The following SPTB variants were observed in gnomAD, a reference collection of about 807,000 sequenced individuals.
The protein encoded by SPTB is spectrin beta, erythrocytic.
A neutral mutation model predicts 256.2 loss-of-function variants in SPTB; 45 were observed. That is an observed-to-expected ratio of 0.18 (90% CI 0.14 to 0.23). SPTB has a LOEUF of 0.23. SPTB is among the 10% of genes least tolerant of loss of function. SPTB has a pLI of 1.00. For synonymous variants in SPTB, 1,231 were observed against 1,243.1 expected, an observed-to-expected ratio of 0.99 and a Z score of 0.21; for missense variants, 2,715 against 3,040.4, an observed-to-expected ratio of 0.89 and a Z score of 2.52.
In SPTB at chr14:64,764,335, C is replaced by CTCAT. The variant is rs2082135462; in HGVS notation, c.6345+2390_6345+2391insATGA. Among the ~76,000 whole-genome samples, 1 of 152,222 alleles carries CTCAT rather than the reference C, an allele frequency of 6.6e-6. No individual in the cohort carries two copies. Among genetic ancestry groups the CTCAT allele is most frequent in the South Asian group, 2.1e-4 (1 of 4,836 alleles). On this transcript the variant is annotated intron_variant, in intron 32 of 35. Coordinates refer to ENST00000644917, the MANE Select transcript of SPTB (RefSeq NM_001355436.2). The surrounding 1 kb of genome is among the most constrained non-coding windows in gnomAD (Gnocchi z 4.2). ...GGTATTAGGCCCTCCCTCTGAGGTT[C>CTCAT]GTGGATCCCCATGAGAACTTAACAA...
intron 33 of SPTB, among the ~76,000 whole-genome samples, chr14:64,751,331 G>C (rs1323626052): frequency 6.6e-6 from 1 of 151,908 alleles, no homozygotes; most frequent in Admixed American, 6.6e-5. Flanking sequence ...CGTTGGCCAG[G>C]CTGGTCTCAA....
At chr14:64,763,944 G>A (rs1006299527) in intron 32 of SPTB, 82 of 509,164 alleles carry the variant, frequency 1.6e-4, no homozygotes, top group Admixed American at 2.9e-4. Context: ...CCACCCTGTG[G>A]TGTGCAGCTG....
Position 64,775,288 on chromosome 14 carries a change from C to T in SPTB, c.4679G>A (p.Gly1560Glu), listed in dbSNP as rs1465230559. The change falls in exon 23 of 36, where the codon GGG becomes GAG. Residue 1560 changes from glycine to glutamate, a missense_variant. Coordinates refer to ENST00000644917, the MANE Select transcript of SPTB (RefSeq NM_001355436.2). This position sits in a 1 kb window ranked among gnomAD's most constrained non-coding sequence, Gnocchi z 5.0. ...IDCQDLEERL[G>E]HLQSSWDRLR... is the part of the protein sequence containing the mutation. ...CCTGTCCCAGGAGCTCTGCAGGTGC[C>T]CCAGGCGCTCCTCAAGGTCCTGGCA... The T allele has an allele frequency of 6.2e-7, 1 of 1,613,460 alleles. No homozygotes were observed. The highest frequency in any genetic ancestry group is 8.5e-7 in the Non-Finnish European group (1 of 1,179,978).
rs2083821450 is a variant in SPTB at position 64,853,662 on chromosome 14, G to A, written c.-52+26130C>T. On this transcript the variant is annotated intron_variant, in intron 1 of 35. Coordinates refer to ENST00000644917, the MANE Select transcript of SPTB (RefSeq NM_001355436.2). The surrounding 1 kb of genome is among the most constrained non-coding windows in gnomAD (Gnocchi z 4.3). ...GCTTTGAGGGGGAGCAGACAGGCAT[G>A]CAGGGCCAAGGGACAGTTGTATTCA... Among the ~76,000 whole-genome samples the A allele has an allele frequency of 6.6e-6, 1 of 152,184 alleles. No homozygotes were observed. Among genetic ancestry groups the A allele is most frequent in the Non-Finnish European group, 1.5e-5 (1 of 68,036 alleles).
chr14:64,833,216 T>G (rs538179570), intron 1 of SPTB, among the ~76,000 whole-genome samples: 1 of 152,194 alleles, frequency 6.6e-6, no homozygotes, highest in Non-Finnish European at 1.5e-5. Context: ...GAATAACTTC[T>G]TCTCTGTCAG....
In SPTB at chr14:64,746,743, A is replaced by G. The variant is rs2081849288; in HGVS notation, c.*2563T>C. 1.3e-5 allele frequency: 2 copies of G among 152,528 alleles called. No homozygotes were observed. The highest frequency in any genetic ancestry group is 4.8e-5 in the African/African-American group (2 of 41,420). The allele number at this position is 152,528 out of a possible 1,614,324, so 9.4% of individuals were successfully genotyped here. A position where few individuals can be genotyped will look rare whatever the true frequency, so the allele number is the denominator to read the frequency against. On this transcript the variant is annotated 3_prime_UTR_variant, in exon 36 of 36. Coordinates refer to ENST00000644917, the MANE Select transcript of SPTB (RefSeq NM_001355436.2). This position sits in a 1 kb window ranked among gnomAD's most constrained non-coding sequence, Gnocchi z 4.9. ...GTTGAGGCTGGGACAAAGGGGAAGG[A>G]GAGAGGGAAGGAGGACCGCCTGACC...
chr14:64,768,020 T>G, intron 29 of SPTB, 161 bp from the exon 30 acceptor site: 2 of 755,318 alleles, frequency 2.6e-6, no homozygotes, highest in Non-Finnish European at 4.5e-6. Context: ...CATTCCACAC[T>G]GGGCCCCTAA....
chr14:64,781,081 G>T (rs2082461460), intron 20 of SPTB, among the ~76,000 whole-genome samples: 1 of 152,164 alleles, frequency 6.6e-6, no homozygotes, highest in Non-Finnish European at 1.5e-5. Flanking sequence ...ACTCAAGATG[G>T]ATTACAGACT....
rs1487593822 is a variant in SPTB at position 64,758,825 on chromosome 14, TGTGA to T, written c.6346-5036_6346-5033del. On this transcript the variant is annotated intron_variant, in intron 32 of 35. Coordinates refer to ENST00000644917, the MANE Select transcript of SPTB (RefSeq NM_001355436.2). This position sits in a 1 kb window ranked among gnomAD's most constrained non-coding sequence, Gnocchi z 4.6. ...GGAGCCTGACACAGCCCTGCAAGTA[TGTGA>T]GTGTGTATGTGTATGTAAAGATCTT... Among the ~76,000 whole-genome samples, 1 of 151,958 alleles carries T rather than the reference TGTGA, an allele frequency of 6.6e-6. No individual in the cohort carries two copies. The highest frequency in any genetic ancestry group is 6.5e-5 in the Admixed American group (1 of 15,270).
At position 64,774,496 on chromosome 14, in the gene SPTB, C is replaced by T. The variant is rs749125417; in HGVS notation, c.4874G>A (p.Arg1625Gln). The change falls in exon 24 of 36, where the codon CGA (arginine) becomes CAA (glutamine). Residue 1625 changes from arginine (R) to glutamine (Q), a missense_variant. Around this residue, in one of 4 missense-constraint regions of SPTB, gnomAD observed 2,239 missense variants for 2,384.4 expected, o/e 0.94. Coordinates refer to ENST00000644917, the MANE Select transcript of SPTB (RefSeq NM_001355436.2). ...DEEGAIVMLK[R>Q]HLRQQRAVED... The stretch of plus-strand genomic sequence containing the variant: ...CACCGCACGCTGCTGCCGCAAATGT[C>T]GCTTCAGCATCACAATGGCGCCCTC... 1.9e-5 allele frequency: 30 copies of T among 1,555,104 alleles called. 1 individual carries two copies. In the South Asian group the frequency reaches 2.3e-4, roughly 12 times the overall value.
chr14:64,773,446 G>C (rs775678798), intron 24 of SPTB, 22 bp from the exon 25 acceptor site: 2 of 1,612,082 alleles, frequency 1.2e-6, no homozygotes, highest in African/African-American at 2.7e-5. Context: ...AACCAAAAAG[G>C]CCCTCAGAGA....
At chr14:64,858,521 G>A (rs2083908824) in intron 1 of SPTB, among the ~76,000 whole-genome samples, 1 of 152,146 alleles carries the variant, frequency 6.6e-6, no homozygotes, top group South Asian at 2.1e-4. Context: ...ACAACCACAG[G>A]TGACTGGAAG....
chr14:64,767,256 C>T, intron 31 of SPTB, 47 bp downstream of exon 31: 1 of 1,611,854 alleles, frequency 6.2e-7, no homozygotes, highest in Non-Finnish European at 8.5e-7. Context: ...CCCCCTACTC[C>T]CACTTGGCAG....
At chr14:64,867,575 TGGGTGCGGA>T (rs1882260449) in intron 1 of SPTB, among the ~76,000 whole-genome samples, 1 of 152,144 alleles carries the variant, frequency 6.6e-6, no homozygotes, top group Non-Finnish European at 1.5e-5. Context: ...ATGGCTGTGC[TGGGTGCGGA>T]GGCTTATGCC....
rs1426837993 is a variant in SPTB at position 64,845,992 on chromosome 14, A to C, written c.-51-22847T>G. 6.6e-6 allele frequency among the ~76,000 whole-genome samples: 1 copy of C among 152,226 alleles called. No homozygotes were observed. The highest frequency in any genetic ancestry group is 1.5e-5 in the Non-Finnish European group (1 of 68,040). ...TGACTTCATGGTCCTTAAAAAACTG[A>C]AAATCACCAGTGTGAAGCACTGTTG... is the stretch of plus-strand genomic sequence containing the variant. On this transcript the variant is annotated intron_variant, in intron 1 of 35. Transcript: ENST00000644917. The surrounding 1 kb of genome is among the most constrained non-coding windows in gnomAD (Gnocchi z 4.8).
chr14:64,865,120 C>T (rs1219977207), intron 1 of SPTB, among the ~76,000 whole-genome samples: 1 of 151,996 alleles, frequency 6.6e-6, no homozygotes, highest in Non-Finnish European at 1.5e-5. Context: ...AATGTATACA[C>T]GATTTCATTT....
At chr14:64,851,552 C>A (rs1387510055) in intron 1 of SPTB, among the ~76,000 whole-genome samples, 1 of 152,104 alleles carries the variant, frequency 6.6e-6, no homozygotes, top group South Asian at 2.1e-4. Context: ...ATTATTTGGG[C>A]TCATTCACTC....
intron 1 of SPTB, among the ~76,000 whole-genome samples, chr14:64,858,039 G>A (rs1296606711): frequency 6.6e-6 from 1 of 152,192 alleles, no homozygotes; most frequent in Non-Finnish European, 1.5e-5. Context: ...CCATTTTACT[G>A]AGGAGGAAAA....
intron 24 of SPTB, 50 bp downstream of exon 24, chr14:64,774,347 C>T: frequency 6.4e-7 from 1 of 1,555,136 alleles, no homozygotes; most frequent in African/African-American, 1.4e-5. Context: ...TGGTGGGCCC[C>T]TGGCTCAATC....
Sources: allele counts gnomAD v4.1 joint callset (sites outside exome capture counted in the v4.1 genomes callset), GRCh38; gene constraint gnomAD v4.1.1; regional missense constraint gnomAD v4.1.1; non-coding constraint Gnocchi (gnomAD v3.1); transcripts MANE v1.5; gene names NCBI Gene and HGNC (gene_info 2026-07-23, HGNC 2026-07-21).